The following TGM1 variants were observed in gnomAD, a reference collection of about 807,000 sequenced individuals.
The protein encoded by TGM1 is protein-glutamine gamma-glutamyltransferase K.
A neutral mutation model predicts 88.7 loss-of-function variants in TGM1; 63 were observed. The ratio of observed to expected loss-of-function variants is 0.71; its 90% CI spans 0.58 to 0.88. The LOEUF (loss-of-function observed/expected upper bound fraction) is 0.88, where lower values mean the gene tolerates loss of function less well. Among genes scored for constraint, TGM1 ranks in the 40% least tolerant of loss-of-function variants. TGM1 has a pLI of 0.00. For synonymous variants in TGM1, 415 were observed against 431.1 expected (o/e 0.96, Z 0.46); for missense variants, 996 against 1,118.0 (o/e 0.89, Z 1.56).
At chr14:24,260,093 C>T in intron 4 of TGM1, 35 bp from the exon 5 acceptor site, 1 of 1,583,248 alleles carries the variant, frequency 6.3e-7, no homozygotes, top group Non-Finnish European at 8.7e-7. Context: ...TGGTTCCCTC[C>T]AGTTCTCTCC....
chr14:24,261,972 C>T (rs1175538408), intron 2 of TGM1, 62 bp downstream of exon 2: 11 of 1,610,288 alleles, frequency 6.8e-6, no homozygotes, highest in Non-Finnish European at 6.8e-6. Context: ...AAATGCCAGG[C>T]TGAGTCTCTG....
In TGM1 at chr14:24,258,687, A is replaced by T. The variant is rs1261496761; in HGVS notation, c.1160-14T>A. 6.2e-7 allele frequency: 1 copy of T among 1,613,148 alleles called. No homozygotes were observed. The highest frequency in any genetic ancestry group is 1.7e-5 in the Admixed American group (1 of 60,010). On this transcript the variant is annotated splice_polypyrimidine_tract_variant and intron_variant, in intron 7 of 14. Transcript: ENST00000206765. ...GGCAGCGCAGCACTGTGGAGGAGCG[A>T]AGGTTGGGGTTCAAGGCATGGGTTG...
chr14:24,255,683 C>T lies in TGM1; in HGVS notation c.1492-166G>A, dbSNP rs185400554. The stretch of plus-strand genomic sequence containing the variant: ...GGGAGACTTTCCAAGACGAGCCAGA[C>T]GAGGCCAGAGTGCAGGGAAGAAGCT... On this transcript the variant is annotated intron_variant, in intron 10 of 14. Transcript: ENST00000206765. The surrounding 1 kb of genome is among the most constrained non-coding windows in gnomAD (Gnocchi z 4.0). 2.4e-4 allele frequency among the ~76,000 whole-genome samples: 36 copies of T among 152,232 alleles called. No homozygotes were observed. The highest frequency in any genetic ancestry group is 8.3e-4 in the South Asian group (4 of 4,822).
chr14:24,259,291 G>T lies in TGM1; in HGVS notation c.985-42C>A. On this transcript the variant is annotated intron_variant, in intron 6 of 14. Transcript: ENST00000206765. The surrounding 1 kb of genome is among the most constrained non-coding windows in gnomAD (Gnocchi z 5.7). ...GAGATAGGGCGGAGGTGGAGGAGGG[G>T]CTCAGGACCTGCCATGTGGTCCATG... 1 of 1,573,104 alleles carries T rather than the reference G, an allele frequency of 6.4e-7. No individual in the cohort carries two copies. The highest frequency in any genetic ancestry group is 1.1e-5 in the South Asian group (1 of 87,286).
Position 24,259,282 on chromosome 14 carries a change from G to T in TGM1, c.985-33C>A, listed in dbSNP as rs1260896529. On this transcript the variant is annotated intron_variant, in intron 6 of 14. Coordinates refer to ENST00000206765, the MANE Select transcript of TGM1 (RefSeq NM_000359.3). The surrounding 1 kb of genome is among the most constrained non-coding windows in gnomAD (Gnocchi z 5.7). ...GGACAGGATGAGATAGGGCGGAGGT[G>T]GAGGAGGGGCTCAGGACCTGCCATG... The T allele has an allele frequency of 3.1e-6, 5 of 1,591,006 alleles. No homozygotes were observed. The highest frequency in any genetic ancestry group is 1.1e-5 in the South Asian group (1 of 88,396).
chr14:24,261,729 T>A lies in TGM1; in HGVS notation c.474A>T (p.Glu158Asp). 1 of 1,614,012 alleles carries A rather than the reference T, an allele frequency of 6.2e-7. No homozygotes were observed. Residue 158 changes from glutamate (E) to aspartate (D), a missense_variant, in exon 3 of 15, where the codon GAA (glutamate) becomes GAT (aspartate). Physicochemically the swap from Glu to Asp is conservative, Grantham distance 45. Coordinates refer to ENST00000206765, the MANE Select transcript of TGM1 (RefSeq NM_000359.3). ...HMLLLLSRTY[E>D]SSDRITLELL... The stretch of plus-strand genomic sequence containing the variant: ...ACTCAAGGGTGATGCGATCAGAGGA[T>A]TCATAGGTCCGGGACAGGAGGAGGA...
Position 24,255,991 on chromosome 14 carries a change from C to G in TGM1, c.1489G>C (p.Glu497Gln). 1 of 1,559,844 alleles carries G rather than the reference C, an allele frequency of 6.4e-7. No individual in the cohort carries two copies. Among genetic ancestry groups the G allele is most frequent in the Non-Finnish European group, 8.7e-7 (1 of 1,150,924 alleles). The change falls in exon 10 of 15, where the codon GAG becomes CAG. Residue 497 changes from glutamate (E) to glutamine (Q), a missense_variant and splice_region_variant. Glu to Gln is a conservative substitution (Grantham distance 29). Coordinates refer to ENST00000206765, the MANE Select transcript of TGM1 (RefSeq NM_000359.3). The surrounding 1 kb of genome is among the most constrained non-coding windows in gnomAD (Gnocchi z 4.0). ...MKYDTPFIFA[E>Q]VNSDKVYWQR... Reference sequence around the variant, plus strand: ...GGCACCTGGAGCCCAGCCCTCACCTCAGCAAAAATGAAAGGCGTGTCGTAC... The same window carrying G: ...GGCACCTGGAGCCCAGCCCTCACCTGAGCAAAAATGAAAGGCGTGTCGTAC...
intron 9 of TGM1, among the ~76,000 whole-genome samples, chr14:24,257,276 C>T (rs1000761015): frequency 2.0e-5 from 3 of 152,140 alleles, no homozygotes; most frequent in Non-Finnish European, 4.4e-5. Flanking sequence ...AAGGGAGAGG[C>T]TGGACAGAAG....
intron 9 of TGM1, among the ~76,000 whole-genome samples, chr14:24,256,784 A>C (rs1000651652): frequency 2.0e-5 from 3 of 152,192 alleles, no homozygotes; most frequent in Middle Eastern, 6.3e-3. Flanking sequence ...GGAAACAGCA[A>C]GGTGAAGTTC....
intron 9 of TGM1, 69 bp downstream of exon 9, chr14:24,258,216 C>CT (rs1375355936): frequency 7.2e-7 from 1 of 1,380,706 alleles, no homozygotes; most frequent in Non-Finnish European, 1.0e-6. Flanking sequence ...AGCACTGACA[C>CT]TCTGGACTGT....
In TGM1 at chr14:24,259,390, C is replaced by G; in HGVS notation, c.985-141G>C. The stretch of plus-strand genomic sequence containing the variant: ...CTCAGGATCCAGACACCAGCCTGAG[C>G]TCCACCCAGCCCTTCCCTCAGCCAT... On this transcript the variant is annotated intron_variant, in intron 6 of 14. Transcript: ENST00000206765. This position sits in a 1 kb window ranked among gnomAD's most constrained non-coding sequence, Gnocchi z 5.7. 1.2e-6 allele frequency: 1 copy of G among 850,948 alleles called. No homozygotes were observed. Among genetic ancestry groups the G allele is most frequent in the Non-Finnish European group, 1.9e-6 (1 of 523,956 alleles). 52.7% of individuals were successfully genotyped at this position (850,948 alleles called of 1,614,324 possible). A position where few individuals can be genotyped will look rare whatever the true frequency, so the allele number is the denominator to read the frequency against.
At chr14:24,260,770 C>A in intron 3 of TGM1, 72 bp from the exon 4 acceptor site, 1 of 1,601,204 alleles carries the variant, frequency 6.2e-7, no homozygotes. Context: ...GGACTTCTCC[C>A]GGCCCCACCC....
At position 24,256,097 on chromosome 14, in the gene TGM1, AG is replaced by A. The variant is rs1297390666; in HGVS notation, c.1403-21del. 6.5e-7 allele frequency: 1 copy of A among 1,546,140 alleles called. No homozygotes were observed. Among genetic ancestry groups the A allele is most frequent in the Non-Finnish European group, 8.8e-7 (1 of 1,141,224 alleles). ...AGATGCCTAGAGAGTGAGGCGGGACAGAGGCAAGAGATCTGAGAAGGCGGAG... is the reference window on the plus strand; with the variant it reads ...AGATGCCTAGAGAGTGAGGCGGGACAAGGCAAGAGATCTGAGAAGGCGGAG... On this transcript the variant is annotated intron_variant, in intron 9 of 14. Coordinates refer to ENST00000206765, the MANE Select transcript of TGM1 (RefSeq NM_000359.3).
At chr14:24,262,728 C>T (rs1015668837) in intron 1 of TGM1, among the ~76,000 whole-genome samples, 8 of 152,224 alleles carry the variant, frequency 5.3e-5, no homozygotes, top group African/African-American at 1.7e-4. Flanking sequence ...GGGCCTGGTC[C>T]GTCCACCTGC....
intron 3 of TGM1, among the ~76,000 whole-genome samples, 187 bp from the exon 4 acceptor site, chr14:24,260,885 T>C (rs1164621339): frequency 6.6e-6 from 1 of 152,182 alleles, no homozygotes; most frequent in Non-Finnish European, 1.5e-5. Flanking sequence ...CTTGCCCACA[T>C]GTTAGGGCAG....
chr14:24,262,589 C>G (rs2040823770), intron 1 of TGM1, among the ~76,000 whole-genome samples: 2 of 152,192 alleles, frequency 1.3e-5, no homozygotes, highest in Non-Finnish European at 2.9e-5. Context: ...CAAACAACAT[C>G]CGAAAAACTG....
At chr14:24,260,766 C>A in intron 3 of TGM1, 68 bp from the exon 4 acceptor site, 1 of 1,606,016 alleles carries the variant, frequency 6.2e-7, no homozygotes, top group Non-Finnish European at 8.5e-7. Flanking sequence ...CCTGGGACTT[C>A]TCCCGGCCCC....
rs1364333233 is a variant in TGM1 at position 24,249,287 on chromosome 14, C to G, written c.*26G>C. The G allele has an allele frequency of 6.2e-7, 1 of 1,602,318 alleles. No individual in the cohort carries two copies. The highest frequency in any genetic ancestry group is 8.5e-7 in the Non-Finnish European group (1 of 1,171,780). Reference sequence around the variant, plus strand: ...GGGCAATGTCCTTGCTCATCTGACTCCAGTCCCATTGCTCCTGGCACGGGG... The same window carrying G: ...GGGCAATGTCCTTGCTCATCTGACTGCAGTCCCATTGCTCCTGGCACGGGG... On this transcript the variant is annotated 3_prime_UTR_variant, in exon 15 of 15. Coordinates refer to ENST00000206765, the MANE Select transcript of TGM1 (RefSeq NM_000359.3).
At chr14:24,254,590 G>C (rs552670661) in intron 13 of TGM1, 74 bp downstream of exon 13, 30 of 1,606,884 alleles carry the variant, frequency 1.9e-5, no homozygotes, top group Non-Finnish European at 2.5e-5. Flanking sequence ...CTGGCTTAGC[G>C]CCCACCTCTG....
Sources: gnomAD v4.1 joint callset for allele counts (sites outside exome capture counted in the v4.1 genomes callset) on GRCh38, gnomAD v4.1.1 for gene constraint, Gnocchi (gnomAD v3.1) non-coding constraint, MANE v1.5 for transcripts, NCBI Gene and HGNC (gene_info 2026-07-23, HGNC 2026-07-21) for gene names.